CORO2B: variants seen among roughly 807,000 people sequenced by gnomAD.
CORO2B encodes coronin-2B.
In CORO2B, 26 loss-of-function variants were observed where a neutral mutation model predicts 58.8. The observed-to-expected ratio is 0.44, with a 90% CI of 0.32 to 0.61. CORO2B has a LOEUF of 0.61. Ranked by LOEUF, CORO2B falls within the 20% of genes least tolerant of loss-of-function variation. The pLI, the probability that CORO2B is intolerant of heterozygous loss-of-function variation, is 0.04. For synonymous variants in CORO2B, 242 were observed against 253.8 expected (o/e 0.95, Z 0.44); for missense variants, 460 against 645.1 (o/e 0.71, Z 3.11).
chr15:68,555,853 G>A, the CORO2B span, among the ~76,000 whole-genome samples: 17 of 152,198 alleles, frequency 1.1e-4, no homozygotes, highest in African/African-American at 3.9e-4. Flanking sequence ...AGGAGGGTCC[G>A]TGCTGAGCGC....
chr15:68,553,553 A>G, the CORO2B span, among the ~76,000 whole-genome samples: 1 of 152,216 alleles, frequency 6.6e-6, no homozygotes, highest in African/African-American at 2.4e-5. Flanking sequence ...CATAACACTC[A>G]TCTTAGTCCT....
At chr15:68,526,150 T>C in the CORO2B span, among the ~76,000 whole-genome samples, 1 of 152,188 alleles carries the variant, frequency 6.6e-6, no homozygotes, top group Admixed American at 6.5e-5. Context: ...TGTACCACAA[T>C]TTATTTATCC....
chr15:68,559,537 A>G, the CORO2B span: 1 of 970,870 alleles, frequency 1.0e-6, no homozygotes, highest in Non-Finnish European at 1.2e-6. The surrounding 1 kb of genome is among the most constrained non-coding windows in gnomAD (Gnocchi z 4.3). Context: ...GGGAGGGCGA[A>G]GTTGACCGTG....
At chr15:68,630,453 T>C (rs1000802453) in intron 1 of CORO2B, among the ~76,000 whole-genome samples, 2 of 151,952 alleles carry the variant, frequency 1.3e-5, no homozygotes, top group African/African-American at 4.8e-5. Flanking sequence ...GGGGCAGGCC[T>C]GCTAGGCTTG....
At chr15:68,533,071 T>A in the CORO2B span, among the ~76,000 whole-genome samples, 4 of 152,224 alleles carry the variant, frequency 2.6e-5, no homozygotes, top group Non-Finnish European at 5.9e-5. Flanking sequence ...AACATTAATC[T>A]CTGTCTTCTC....
intron 1 of CORO2B, among the ~76,000 whole-genome samples, chr15:68,643,004 A>G (rs1901305430): frequency 6.6e-6 from 1 of 152,234 alleles, no homozygotes; most frequent in Admixed American, 6.5e-5. Flanking sequence ...TGCCAGGTCC[A>G]CCAACCACCC....
intron 3 of CORO2B, among the ~76,000 whole-genome samples, chr15:68,703,150 C>CTTTTTTTT (rs57404468): frequency 4.0e-5 from 4 of 100,136 alleles, no homozygotes; most frequent in African/African-American, 1.5e-4. Flanking sequence ...TTCTTTTTTT[C>CTTTTTTTT]TTTTTTTTTT....
chr15:68,604,854 G>A (rs1027706295), intron 1 of CORO2B, among the ~76,000 whole-genome samples: 4 of 152,096 alleles, frequency 2.6e-5, no homozygotes, highest in South Asian at 2.1e-4. Context: ...GGTGGCTCAC[G>A]CCTGTAATTC....
chr15:68,570,825 T>TTA, the CORO2B span, among the ~76,000 whole-genome samples: 2 of 147,590 alleles, frequency 1.4e-5, no homozygotes, highest in Non-Finnish European at 3.0e-5. Flanking sequence ...TTTTTTTTTT[T>TTA]AGAGACTGGG....
At chr15:68,566,177 G>A in the CORO2B span, among the ~76,000 whole-genome samples, 1 of 152,166 alleles carries the variant, frequency 6.6e-6, no homozygotes, top group Non-Finnish European at 1.5e-5. Context: ...TCATAACATG[G>A]TAGGGTCCTG....
the CORO2B span, among the ~76,000 whole-genome samples, chr15:68,540,409 A>C: frequency 2.6e-5 from 4 of 152,236 alleles, no homozygotes; most frequent in African/African-American, 9.6e-5. Flanking sequence ...AATGATTGTC[A>C]ATTATTTTCC....
the CORO2B span, among the ~76,000 whole-genome samples, chr15:68,566,236 C>G: frequency 1.3e-5 from 2 of 152,124 alleles, no homozygotes; most frequent in Non-Finnish European, 2.9e-5. Flanking sequence ...GTTTTGAGTC[C>G]TTACTCTGTG....
the CORO2B span, among the ~76,000 whole-genome samples, chr15:68,520,966 T>C: frequency 2.0e-5 from 3 of 152,138 alleles, no homozygotes; most frequent in Non-Finnish European, 4.4e-5. Flanking sequence ...GGAGAATCAC[T>C]TGAACCTGGG....
intron 1 of CORO2B, 34 bp downstream of exon 1, chr15:68,579,311 G>A (rs1266343526): frequency 1.6e-6 from 2 of 1,273,510 alleles, no homozygotes; most frequent in Non-Finnish European, 2.0e-6. Context: ...CCCGGGACCC[G>A]CCGGCGCCTG....
intron 4 of CORO2B, among the ~76,000 whole-genome samples, 183 bp downstream of exon 4, chr15:68,711,064 C>T (rs1044067113): frequency 2.0e-5 from 3 of 152,166 alleles, no homozygotes; most frequent in African/African-American, 7.2e-5. Context: ...CCCTGTCATT[C>T]CTGGGGTCCA....
At chr15:68,723,014 C>T (rs570320659) in intron 11 of CORO2B, among the ~76,000 whole-genome samples, 17 of 151,050 alleles carry the variant, frequency 1.1e-4, no homozygotes, top group Non-Finnish European at 1.9e-4. Context: ...TTGCAGTGAG[C>T]GGATATTGCA....
At chr15:68,683,748 G>A (rs112875756) in intron 2 of CORO2B, among the ~76,000 whole-genome samples, 6,256 of 152,210 alleles carry the variant, frequency 0.041, 289 homozygotes, top group African/African-American at 0.11. Flanking sequence ...TCTACCTCTC[G>A]GCAAGAGAGT....
intron 2 of CORO2B, among the ~76,000 whole-genome samples, chr15:68,654,026 C>T (rs1303826312): frequency 1.3e-5 from 2 of 152,148 alleles, no homozygotes; most frequent in Non-Finnish European, 2.9e-5. Flanking sequence ...TCTCAAAGCC[C>T]ATGACAGCCT....
intron 11 of CORO2B, among the ~76,000 whole-genome samples, chr15:68,719,869 A>G (rs1893120540): frequency 1.3e-5 from 2 of 152,220 alleles, no homozygotes; most frequent in South Asian, 4.1e-4. Context: ...CCTGACTAAC[A>G]GGGGCAAGCC....
Sources: allele counts gnomAD v4.1 joint callset (sites outside exome capture counted in the v4.1 genomes callset), GRCh38; gene constraint gnomAD v4.1.1; non-coding constraint Gnocchi (gnomAD v3.1); transcripts MANE v1.5; gene names NCBI Gene and HGNC (gene_info 2026-07-23, HGNC 2026-07-21).